Variants in MICAL1 observed in about 807,000 individuals in gnomAD.
MICAL1 encodes the protein microtubule associated monooxygenase, calponin and LIM domain containing 1.
In MICAL1, 95 loss-of-function variants were observed where a neutral mutation model predicts 131.8. The observed-to-expected ratio is 0.72, with a 90% CI of 0.61 to 0.86. The LOEUF (loss-of-function observed/expected upper bound fraction) is 0.86. Ranked by LOEUF, MICAL1 falls within the 40% of genes least tolerant of loss-of-function variation. The pLI is 0.00. For synonymous variants in MICAL1, 546 were observed against 554.2 expected, an observed-to-expected ratio of 0.99 and a Z score of 0.21; for missense variants, 1,292 against 1,380.6, an observed-to-expected ratio of 0.94 and a Z score of 1.02.
At chr6:109,444,459 T>G (rs1272462186) in intron 24 of MICAL1, 120 bp from the exon 25 acceptor site, 2 of 1,411,542 alleles carry the variant, frequency 1.4e-6, no homozygotes, top group African/African-American at 2.9e-5. Context: ...AGCTGCCAAA[T>G]TAGGAGGGTT....
chr6:109,446,806 T>C (rs759546223), intron 17 of MICAL1, 34 bp from the exon 18 acceptor site: 155 of 1,591,202 alleles, frequency 9.7e-5, no homozygotes, highest in Non-Finnish European at 1.3e-4. Context: ...AGGCATTTGG[T>C]GTGGGCAGCC....
chr6:109,444,632 T>A (rs1022173787), intron 24 of MICAL1, 93 bp downstream of exon 24: 1 of 1,434,012 alleles, frequency 7.0e-7, no homozygotes, highest in African/African-American at 1.4e-5. Flanking sequence ...GTACACAGAC[T>A]AGAGCATCAT....
upstream of MICAL1, among the ~76,000 whole-genome samples, chr6:109,456,335 C>T (rs543201236): frequency 1.3e-5 from 2 of 152,334 alleles, no homozygotes; most frequent in South Asian, 2.1e-4. Flanking sequence ...CCTCCGGTCT[C>T]CCACCTGGAG....
chr6:109,465,697 G>T lies in MICAL1; in HGVS notation c.-20C>A, dbSNP rs781297546. 2.5e-6 allele frequency: 4 copies of T among 1,602,606 alleles called. No individual in the cohort carries two copies. The Admixed American group carries it at 6.7e-5, about 27-fold the overall frequency. The stretch of plus-strand genomic sequence containing the variant: ...AGACATACACACATCTTGCTACCTG[G>T]ATGGAGGGCATTATAAACATCAGTT... On this transcript the variant is annotated 5_prime_UTR_variant, in exon 1 of 25. Coordinates refer to the MICAL1 transcript ENST00000630715.
At chr6:109,461,928 G>A (rs149187510) in intron 1 of MICAL1, among the ~76,000 whole-genome samples, 1 of 152,172 alleles carries the variant, frequency 6.6e-6, no homozygotes, top group African/African-American at 2.4e-5. Flanking sequence ...TGTCCAATAA[G>A]CATAATAATT....
chr6:109,453,468 C>A (rs1775620729), intron 3 of MICAL1, 101 bp from the exon 4 acceptor site: 1 of 1,505,912 alleles, frequency 6.6e-7, no homozygotes, highest in African/African-American at 1.4e-5. Flanking sequence ...AAGGCCTTAG[C>A]AATCACTCAG....
intron 1 of MICAL1, chr6:109,464,832 A>G (rs1775994988): frequency 1.3e-5 from 2 of 152,210 alleles, no homozygotes; most frequent in African/African-American, 4.8e-5. Flanking sequence ...AGGAGAAGAT[A>G]TTCACTTTGT....
In MICAL1 at chr6:109,447,687, G is replaced by A; in HGVS notation, c.1980C>T (p.Arg660=). The A allele has an allele frequency of 6.2e-7, 1 of 1,614,032 alleles. No individual in the cohort carries two copies. Among genetic ancestry groups the A allele is most frequent in the East Asian group, 2.2e-5 (1 of 44,868 alleles). Residue 660 remains arginine, a synonymous_variant, in exon 15 of 25, where the codon CGC becomes CGT. Transcript: ENST00000358807. The part of the protein sequence containing the change: ...NAEDAGGKKL[R]LEMEAETPST... ...CGCCCCTGCCTGCATTCACCTCCAA[G>A]CGCAGCTTCTTGCCACCAGCATCCT...
chr6:109,447,576 A>G, intron 15 of MICAL1, 105 bp downstream of exon 15: 1 of 1,558,594 alleles, frequency 6.4e-7, no homozygotes, highest in Middle Eastern at 1.7e-4. Flanking sequence ...GGGTTACAGG[A>G]CCTGGGGTGG....
chr6:109,447,649 T>C (rs1562288448), intron 15 of MICAL1, 32 bp downstream of exon 15: 2 of 1,611,764 alleles, frequency 1.2e-6, no homozygotes, highest in South Asian at 2.2e-5. Flanking sequence ...AAATGTGGGG[T>C]AGGAGACCGA....
chr6:109,449,393 T>G lies in MICAL1; in HGVS notation c.1516+7A>C. 5 of 1,614,198 alleles carry G rather than the reference T, an allele frequency of 3.1e-6. No individual in the cohort carries two copies. The highest frequency in any genetic ancestry group is 4.2e-6 in the Non-Finnish European group (5 of 1,180,014). ...TTGGTCACCCCTTGGGAGGAAGGCC[T>G]GCTCACCGGTGGCTGGCATCCCTGT... On this transcript the variant is annotated splice_region_variant and intron_variant, in intron 11 of 24. Transcript: ENST00000358807.
Position 109,445,819 on chromosome 6 carries a change from G to A in MICAL1, c.2625C>T (p.Ser875=). Residue 875 remains serine, a synonymous_variant, in exon 20 of 25, where the codon TCC becomes TCT. Coordinates refer to ENST00000358807, the MANE Select transcript of MICAL1 (RefSeq NM_022765.4). ...GCACATCTTCTTCTTCCTCTTCACT[G>A]GAGAAGGGACTCTCTTTTTCCTCCT... is the stretch of plus-strand genomic sequence containing the variant. ...MEKEEKESPF[S]SEEEEEDVPL... 6.2e-7 allele frequency: 1 copy of A among 1,611,434 alleles called. No individual in the cohort carries two copies. The highest frequency in any genetic ancestry group is 8.5e-7 in the Non-Finnish European group (1 of 1,178,972).
Position 109,444,175 on chromosome 6 carries a change from G to A in MICAL1, c.*16C>T. 6.2e-7 allele frequency: 1 copy of A among 1,607,380 alleles called. No individual in the cohort carries two copies. The highest frequency in any genetic ancestry group is 1.1e-5 in the South Asian group (1 of 90,986). ...TGCTTTCTTTGTGGGAACGAAAGCA[G>A]ACGGCCCACCCTCGTCTAGCCCTGG... On this transcript the variant is annotated 3_prime_UTR_variant, in exon 25 of 25. Transcript: ENST00000358807.
In MICAL1 at chr6:109,449,990, G is replaced by C; in HGVS notation, c.1287C>G (p.Ser429=). The change falls in exon 9 of 25, where the codon TCC becomes TCG. Residue 429 remains serine (S), a synonymous_variant. Transcript: ENST00000358807. ...MVKRWAEGAE[S]LEVLAERESL... ...CTTACCGCTCAGCCAACACCTCTAG[G>C]GACTCAGCGCCCTCTGCCCACCGCT... 6.2e-7 allele frequency: 1 copy of C among 1,613,950 alleles called. No individual in the cohort carries two copies. Among genetic ancestry groups the C allele is most frequent in the East Asian group, 2.2e-5 (1 of 44,864 alleles).
chr6:109,447,462 C>T, intron 15 of MICAL1, 22 bp from the exon 16 acceptor site: 1 of 1,603,942 alleles, frequency 6.2e-7, no homozygotes, highest in South Asian at 1.1e-5. Context: ...AGTGCTCAGG[C>T]AGGGAGGGTA....
rs1420657642 is a variant in MICAL1, at chr6:109,448,116, A to ACACACACACACACACACACACACC, written c.1855+86_1855+87insGGTGTGTGTGTGTGTGTGTGTGTG. The ACACACACACACACACACACACACC allele has an allele frequency of 5.2e-6, 7 of 1,334,124 alleles. No homozygotes were observed. The African/African-American group carries it at 7.4e-5, about 14-fold the overall frequency. The allele number at this position is 1,334,124 out of a possible 1,614,324, so 82.6% of individuals were successfully genotyped here. A position where few individuals can be genotyped will look rare whatever the true frequency, so the allele number is the denominator to read the frequency against. On this transcript the variant is annotated intron_variant, in intron 13 of 24. Transcript: ENST00000358807. ...CTTTCTGACACACACACACACACAC[A>ACACACACACACACACACACACACC]CCGCCTTCTCCCTCTGTCACACACA... is the stretch of plus-strand genomic sequence containing the variant.
Position 109,446,214 on chromosome 6 carries a change from G to A in MICAL1, c.2503C>T (p.Arg835Cys), listed in dbSNP as rs765961719. The A allele has an allele frequency of 5.6e-6, 9 of 1,601,762 alleles. No homozygotes were observed. The highest frequency in any genetic ancestry group is 1.1e-5 in the South Asian group (1 of 89,956). Residue 835 changes from arginine to cysteine, a missense_variant, in exon 19 of 25, where the codon CGC becomes TGC. Arg to Cys is a radical substitution (Grantham distance 180). Transcript: ENST00000358807. ...PEMEPPPKPP[R>C]SCSALARHAL... The stretch of plus-strand genomic sequence containing the variant: ...TGGCGGGCCAAGGCGGAGCAGCTGC[G>A]GGGAGGCTTGGGTGGAGGCTCCATT...
At chr6:109,452,070 C>A (rs774404609) in intron 6 of MICAL1, 176 bp downstream of exon 6, 1 of 1,423,706 alleles carries the variant, frequency 7.0e-7, no homozygotes, top group Non-Finnish European at 9.1e-7. Context: ...GGGTGATCAA[C>A]TAGGGCTGTG....
upstream of MICAL1, among the ~76,000 whole-genome samples, chr6:109,459,836 G>T (rs1409591632): frequency 2.0e-5 from 3 of 152,134 alleles, no homozygotes; most frequent in East Asian, 3.8e-4. Flanking sequence ...TTGACAGGTG[G>T]ATTTTTAAAA....
Sources: allele counts gnomAD v4.1 joint callset (sites outside exome capture counted in the v4.1 genomes callset), GRCh38; gene constraint gnomAD v4.1.1; transcripts MANE v1.5; gene names NCBI Gene and HGNC (gene_info 2026-07-23, HGNC 2026-07-21).